Variants in CDH13 observed in about 807,000 individuals in gnomAD.
CDH13 encodes the protein cadherin-13.
In CDH13, 24 loss-of-function variants were observed where a neutral mutation model predicts 63.8. The observed-to-expected ratio is 0.38, with a 90% CI of 0.27 to 0.53. The LOEUF (loss-of-function observed/expected upper bound fraction) is 0.53. Among genes scored for constraint, CDH13 ranks in the 20% least tolerant of loss-of-function variants. The pLI, the probability that CDH13 is intolerant of heterozygous loss-of-function variation, is 0.85. For synonymous variants in CDH13, 503 were observed against 355.3 expected, an observed-to-expected ratio of 1.42 and a Z score of -4.67; for missense variants, 1,049 against 903.1, an observed-to-expected ratio of 1.16 and a Z score of -2.07.
chr16:83,187,850 G>T (rs1276898092), intron 4 of CDH13, among the ~76,000 whole-genome samples: 1 of 152,162 alleles, frequency 6.6e-6, no homozygotes, highest in Admixed American at 6.5e-5. Flanking sequence ...AATGGCTAGA[G>T]ATGAGAGTAG....
At chr16:83,439,629 G>A (rs1353202678) in intron 6 of CDH13, among the ~76,000 whole-genome samples, 1 of 152,194 alleles carries the variant, frequency 6.6e-6, no homozygotes, top group Non-Finnish European at 1.5e-5. Context: ...AAAGGCGATG[G>A]CTTCGGCAAT....
At chr16:83,395,161 A>AT (rs1381230412) in intron 6 of CDH13, among the ~76,000 whole-genome samples, 1 of 151,044 alleles carries the variant, frequency 6.6e-6, no homozygotes, top group Non-Finnish European at 1.5e-5. Context: ...AAAAAAAAAA[A>AT]AAAATAGCTG....
At chr16:83,202,980 C>T (rs762347943) in intron 4 of CDH13, among the ~76,000 whole-genome samples, 1 of 152,122 alleles carries the variant, frequency 6.6e-6, no homozygotes, top group Non-Finnish European at 1.5e-5. Flanking sequence ...AATCCCAGTA[C>T]TTTGGGAGGC....
intron 3 of CDH13, among the ~76,000 whole-genome samples, chr16:83,084,581 C>T (rs1023274996): frequency 5.9e-5 from 9 of 152,158 alleles, no homozygotes; most frequent in African/African-American, 1.9e-4. Context: ...AGATATGTGA[C>T]ACAGCTGATT....
At chr16:83,648,069 T>C (rs1258267336) in intron 8 of CDH13, among the ~76,000 whole-genome samples, 1 of 152,158 alleles carries the variant, frequency 6.6e-6, no homozygotes, top group Non-Finnish European at 1.5e-5. Flanking sequence ...ACCTCTTAAA[T>C]ATTCCCTCAA....
At chr16:82,931,227 C>T (rs796193975) in intron 2 of CDH13, among the ~76,000 whole-genome samples, 24 of 152,300 alleles carry the variant, frequency 1.6e-4, no homozygotes, top group African/African-American at 5.8e-4. Flanking sequence ...TATCTGACTA[C>T]CCTGCACAGA....
chr16:82,996,964 T>G (rs1391984994), intron 2 of CDH13, among the ~76,000 whole-genome samples: 1 of 151,904 alleles, frequency 6.6e-6, no homozygotes, highest in East Asian at 1.9e-4. Context: ...ATGGTGGTGG[T>G]GGTGGTAATG....
At chr16:83,688,563 A>G (rs1344902575) in intron 10 of CDH13, among the ~76,000 whole-genome samples, 1 of 152,214 alleles carries the variant, frequency 6.6e-6, no homozygotes, top group Non-Finnish European at 1.5e-5. Flanking sequence ...TCTTAATTAA[A>G]TGTGGTTACT....
At chr16:83,396,118 A>C (rs1434203179) in intron 6 of CDH13, among the ~76,000 whole-genome samples, 1 of 152,182 alleles carries the variant, frequency 6.6e-6, no homozygotes, top group African/African-American at 2.4e-5. Flanking sequence ...TGCAAAGGAC[A>C]TGATCTTATT....
chr16:83,174,067 C>G (rs145524603), intron 4 of CDH13, among the ~76,000 whole-genome samples: 24 of 146,382 alleles, frequency 1.6e-4, no homozygotes, highest in Non-Finnish European at 2.8e-4. Context: ...CAGATAAAAC[C>G]CAAATCTGAT....
chr16:83,612,077 T>C (rs1282922130), intron 8 of CDH13, among the ~76,000 whole-genome samples: 2 of 152,110 alleles, frequency 1.3e-5, no homozygotes, highest in African/African-American at 4.8e-5. Flanking sequence ...GTTTTATTAA[T>C]CTGCTTATTG....
chr16:83,016,358 A>G (rs1434714602), intron 2 of CDH13, among the ~76,000 whole-genome samples: 35 of 152,238 alleles, frequency 2.3e-4, no homozygotes, highest in Non-Finnish European at 5.0e-4. Context: ...GGGAGGAGGT[A>G]AATGAATTAA....
At chr16:83,435,202 A>G (rs988293948) in intron 6 of CDH13, among the ~76,000 whole-genome samples, 2 of 151,628 alleles carry the variant, frequency 1.3e-5, no homozygotes, top group Non-Finnish European at 2.9e-5. Context: ...GCCTGCTACC[A>G]TGTCCGGCTA....
chr16:83,464,774 G>A (rs560597173), intron 6 of CDH13, among the ~76,000 whole-genome samples: 45 of 152,228 alleles, frequency 3.0e-4, no homozygotes, highest in African/African-American at 9.9e-4. Context: ...CTGGGTAGAC[G>A]TGAATTTGGG....
chr16:83,269,796 A>G (rs2088745552), intron 5 of CDH13, among the ~76,000 whole-genome samples: 1 of 152,156 alleles, frequency 6.6e-6, no homozygotes, highest in Admixed American at 6.5e-5. Flanking sequence ...ACAGCTCACT[A>G]TCAAGAGGAG....
intron 4 of CDH13, among the ~76,000 whole-genome samples, chr16:83,187,949 C>T (rs573347168): frequency 2.6e-5 from 4 of 152,012 alleles, no homozygotes; most frequent in East Asian, 1.9e-4. Flanking sequence ...TGAGCATCCT[C>T]GATAAAAGGA....
chr16:83,241,067 G>A (rs991219525), intron 5 of CDH13, among the ~76,000 whole-genome samples: 1 of 152,162 alleles, frequency 6.6e-6, no homozygotes, highest in African/African-American at 2.4e-5. Flanking sequence ...CTTTGAATGT[G>A]TGGATTCATA....
chr16:83,208,042 C>G (rs1303237025), intron 4 of CDH13, among the ~76,000 whole-genome samples: 1 of 152,106 alleles, frequency 6.6e-6, no homozygotes, highest in African/African-American at 2.4e-5. Flanking sequence ...TTGCCTGTAA[C>G]CTTAGCGCCT....
At chr16:83,031,291 GCGCAT>G in intron 2 of CDH13, among the ~76,000 whole-genome samples, 2 of 142,620 alleles carry the variant, frequency 1.4e-5, no homozygotes, top group African/African-American at 5.2e-5. Flanking sequence ...CCATATACAT[GCGCAT>G]GTATCCATGC....
Sources: gnomAD v4.1 joint callset for allele counts (sites outside exome capture counted in the v4.1 genomes callset) on GRCh38, gnomAD v4.1.1 for gene constraint, MANE v1.5 for transcripts, NCBI Gene and HGNC (gene_info 2026-07-23, HGNC 2026-07-21) for gene names.